LUZP2: variants seen among roughly 807,000 people sequenced by gnomAD.
The protein encoded by LUZP2 is leucine zipper protein 2.
LUZP2 carries 52 observed loss-of-function variants against 51.6 expected under a neutral mutation model. The ratio of observed to expected loss-of-function variants is 1.01; its 90% CI spans 0.81 to 1.27. The LOEUF is 1.27. Ranked by LOEUF, LUZP2 falls within the 50% of genes most tolerant of loss-of-function variation. The pLI, the probability that LUZP2 is intolerant of heterozygous loss-of-function variation, is 0.00. For synonymous variants in LUZP2, 154 were observed against 137.3 expected, an observed-to-expected ratio of 1.12 and a Z score of -0.85; for missense variants, 436 against 395.4, an observed-to-expected ratio of 1.10 and a Z score of -0.87.
rs527566680 is a variant in LUZP2, at chr11:24,931,776, A to G, written c.522+17238A>G. 3.3e-5 allele frequency among the ~76,000 whole-genome samples: 5 copies of G among 152,306 alleles called. No homozygotes were observed. In the South Asian group the frequency reaches 8.3e-4, roughly 25 times the overall value. On this transcript the variant is annotated intron_variant, in intron 7 of 11. Coordinates refer to ENST00000336930, the MANE Select transcript of LUZP2 (RefSeq NM_001009909.4). ...TCTTGGTTGAGATCCATTGCTGCTG[A>G]ACTAGTGTGGTCTTTTGAGGGTGTT...
chr11:24,810,530 G>A lies in LUZP2; in HGVS notation c.396+47222G>A, dbSNP rs76481711. Among the ~76,000 whole-genome samples the A allele has an allele frequency of 2.4e-3, 372 of 152,036 alleles. 2 individuals carry two copies. The highest frequency in any genetic ancestry group is 8.2e-3 in the African/African-American group (338 of 41,414). On this transcript the variant is annotated intron_variant, in intron 5 of 11. Coordinates refer to ENST00000336930, the MANE Select transcript of LUZP2 (RefSeq NM_001009909.4). ...AAACTAGAATTTGTCCATTCCGTCCGACAAATGTTATTGTCTATCATGTGA... is the reference window on the plus strand; with the variant it reads ...AAACTAGAATTTGTCCATTCCGTCCAACAAATGTTATTGTCTATCATGTGA...
Position 25,033,255 on chromosome 11 carries a change from C to G in LUZP2, c.766-16783C>G, listed in dbSNP as rs1857748148. ...GAAGATATTAATTCAGCTTTGAAAA[C>G]TGTATATTAACCAGATTTTCTTTTT... On this transcript the variant is annotated intron_variant, in intron 9 of 11. Transcript: ENST00000336930. 2.0e-5 allele frequency among the ~76,000 whole-genome samples: 3 copies of G among 152,170 alleles called. No homozygotes were observed. In the South Asian group the frequency reaches 6.2e-4, roughly 31 times the overall value.
intron 1 of LUZP2, among the ~76,000 whole-genome samples, chr11:24,631,482 G>A (rs1017357121): frequency 4.0e-5 from 6 of 151,440 alleles, no homozygotes; most frequent in Admixed American, 2.6e-4. Flanking sequence ...AGATCAGATA[G>A]TTTTTATCCT....
At chr11:24,914,378 G>T in intron 6 of LUZP2, 98 bp from the exon 7 acceptor site, 2 of 900,122 alleles carry the variant, frequency 2.2e-6, no homozygotes, top group South Asian at 1.5e-5. Flanking sequence ...GCTTTGCTTG[G>T]CTGCAAAATG....
chr11:24,627,562 G>C (rs926967301), intron 1 of LUZP2, among the ~76,000 whole-genome samples: 1 of 152,166 alleles, frequency 6.6e-6, no homozygotes, highest in African/African-American at 2.4e-5. Context: ...CATTCAGATA[G>C]CAATTTGCTT....
intron 1 of LUZP2, among the ~76,000 whole-genome samples, chr11:24,614,505 A>G (rs1854225747): frequency 2.0e-5 from 3 of 152,038 alleles, no homozygotes; most frequent in African/African-American, 7.2e-5. Context: ...GTACATTTCT[A>G]CGTCTGGAAA....
intron 1 of LUZP2, among the ~76,000 whole-genome samples, chr11:24,593,712 A>AT (rs1252387925): frequency 6.6e-6 from 1 of 152,198 alleles, no homozygotes; most frequent in African/African-American, 2.4e-5. Context: ...GGATGTTCCA[A>AT]TAGGCTCTTA....
intron 5 of LUZP2, among the ~76,000 whole-genome samples, chr11:24,903,435 C>A (rs1036674867): frequency 6.6e-6 from 1 of 152,102 alleles, no homozygotes; most frequent in Admixed American, 6.5e-5. Context: ...GACAACTGTA[C>A]CCCCTCACTC....
At chr11:25,063,334 CT>C (rs1858903497) in intron 10 of LUZP2, among the ~76,000 whole-genome samples, 1 of 151,556 alleles carries the variant, frequency 6.6e-6, no homozygotes, top group Non-Finnish European at 1.5e-5. Context: ...TGGAAGAAAT[CT>C]CCAGCTGATA....
chr11:24,756,929 A>C, intron 4 of LUZP2, among the ~76,000 whole-genome samples: 1 of 152,198 alleles, frequency 6.6e-6, no homozygotes, highest in East Asian at 1.9e-4. Flanking sequence ...TGTTTTGATT[A>C]GTTTTCTGGA....
intron 1 of LUZP2, among the ~76,000 whole-genome samples, chr11:24,512,053 C>G (rs1850326605): frequency 6.6e-6 from 1 of 152,130 alleles, no homozygotes; most frequent in Admixed American, 6.6e-5. Context: ...AGGAGTTTCT[C>G]TGTATACTTT....
At chr11:24,908,870 G>A (rs898877414) in intron 6 of LUZP2, among the ~76,000 whole-genome samples, 3 of 150,616 alleles carry the variant, frequency 2.0e-5, no homozygotes, top group South Asian at 2.1e-4. Context: ...ATTCTTCTGC[G>A]TCAGCCTCCT....
At chr11:24,874,712 G>A (rs1565032704) in intron 5 of LUZP2, among the ~76,000 whole-genome samples, 1 of 152,100 alleles carries the variant, frequency 6.6e-6, no homozygotes, top group Non-Finnish European at 1.5e-5. Context: ...CATGGAGTGT[G>A]GGGCACTTGT....
At chr11:25,059,977 T>C (rs1280466566) in intron 10 of LUZP2, among the ~76,000 whole-genome samples, 1 of 152,138 alleles carries the variant, frequency 6.6e-6, no homozygotes, top group Admixed American at 6.6e-5. Context: ...GCACCTAATA[T>C]GTGCAAGATA....
intron 5 of LUZP2, among the ~76,000 whole-genome samples, chr11:24,804,208 A>T (rs1274534122): frequency 6.6e-6 from 1 of 152,132 alleles, no homozygotes; most frequent in African/African-American, 2.4e-5. Flanking sequence ...ATTATATCAC[A>T]AAATCACTAA....
At chr11:24,892,405 C>A in intron 5 of LUZP2, 1 of 983,020 alleles carries the variant, frequency 1.0e-6, no homozygotes, top group Non-Finnish European at 1.2e-6. Flanking sequence ...CCAGTGATGT[C>A]TCGATTAGCA....
At chr11:24,707,454 A>C (rs1006721703) in intron 1 of LUZP2, among the ~76,000 whole-genome samples, 1 of 152,150 alleles carries the variant, frequency 6.6e-6, no homozygotes, top group African/African-American at 2.4e-5. Flanking sequence ...AACTAAAAAA[A>C]AATTAGGGGG....
chr11:24,503,338 G>T (rs555177968), intron 1 of LUZP2, among the ~76,000 whole-genome samples: 2 of 152,088 alleles, frequency 1.3e-5, no homozygotes, highest in African/African-American at 4.8e-5. Context: ...GTAATTTACC[G>T]CTAAGAGTAG....
intron 1 of LUZP2, among the ~76,000 whole-genome samples, chr11:24,657,880 C>T (rs1336340188): frequency 1.3e-5 from 2 of 152,114 alleles, no homozygotes; most frequent in East Asian, 3.9e-4. Context: ...ATGTGAAGAA[C>T]CTCTTCAAGG....
Sources: allele counts gnomAD v4.1 joint callset (sites outside exome capture counted in the v4.1 genomes callset), GRCh38; gene constraint gnomAD v4.1.1; transcripts MANE v1.5; gene names NCBI Gene and HGNC (gene_info 2026-07-23, HGNC 2026-07-21).